BLOC1S5: variants seen among roughly 807,000 people sequenced by gnomAD.
The protein encoded by BLOC1S5 is biogenesis of lysosomal organelles complex 1 subunit 5, also known as biogenesis of lysosome-related organelles complex 1 subunit 5.
BLOC1S5 carries 27 observed loss-of-function variants against 24.3 expected under a neutral mutation model. The observed-to-expected ratio is 1.11, with a 90% CI of 0.82 to 1.53. BLOC1S5 has a LOEUF of 1.53. BLOC1S5 is among the 40% of genes most tolerant of loss of function. BLOC1S5 has a pLI of 0.00. For synonymous variants in BLOC1S5, 84 were observed against 74.5 expected (o/e 1.13, Z -0.66); for missense variants, 239 against 229.4 (o/e 1.04, Z -0.27).
At chr6:8,017,527 G>C (rs1362288312) in intron 4 of BLOC1S5, among the ~76,000 whole-genome samples, 2 of 152,186 alleles carry the variant, frequency 1.3e-5, no homozygotes, top group Non-Finnish European at 2.9e-5. Flanking sequence ...CAGAAAAACA[G>C]CTACTAGGAA....
chr6:8,034,064 A>C (rs190464270), intron 3 of BLOC1S5, among the ~76,000 whole-genome samples: 198 of 152,364 alleles, frequency 1.3e-3, no homozygotes, highest in African/African-American at 4.6e-3. Flanking sequence ...TGTGGAAGAC[A>C]GTGTGGTGAT....
intron 4 of BLOC1S5, among the ~76,000 whole-genome samples, chr6:8,022,568 A>ATTTTTT (rs35289860): frequency 1.2e-4 from 15 of 123,996 alleles, no homozygotes; most frequent in South Asian, 5.3e-4. Flanking sequence ...TTCAAACTCT[A>ATTTTTT]TTTTTTTTTT....
At chr6:8,058,282 G>T (rs973719258) in intron 2 of BLOC1S5, among the ~76,000 whole-genome samples, 1 of 144,890 alleles carries the variant, frequency 6.9e-6, no homozygotes, top group Non-Finnish European at 1.5e-5. Flanking sequence ...TACTTTTGGA[G>T]ACTGGGGTAG....
intron 2 of BLOC1S5, among the ~76,000 whole-genome samples, chr6:8,047,180 A>T (rs1373542025): frequency 0.033 from 4,834 of 145,910 alleles, 285 homozygotes; most frequent in African/African-American, 0.12. Flanking sequence ...ACACACACAC[A>T]CACACACACA....
Position 8,041,149 on chromosome 6 carries a change from A to T in BLOC1S5, c.315T>A (p.Val105=). ...RDTMRDSLSQ[V]LQRLQAANDS... is the part of the protein sequence containing the mutation. ...GAATTGCTGACTCACATCTCTGGAG[A>T]ACCTGGCTGAGGCTGTCCCGCATTG... The change falls in exon 3 of 5, where the codon GTT becomes GTA. Residue 105 remains valine, a synonymous_variant. Transcript: ENST00000397457. 1.3e-6 allele frequency: 2 copies of T among 1,592,140 alleles called. No individual in the cohort carries two copies. Among genetic ancestry groups the T allele is most frequent in the Non-Finnish European group, 1.7e-6 (2 of 1,170,772 alleles).
At chr6:8,033,422 C>T (rs1018490718) in intron 3 of BLOC1S5, among the ~76,000 whole-genome samples, 5 of 152,144 alleles carry the variant, frequency 3.3e-5, no homozygotes, top group African/African-American at 7.2e-5. Flanking sequence ...ACTGGCTAGC[C>T]ATATGTAGGA....
At chr6:8,041,615 T>C (rs1561864206) in intron 2 of BLOC1S5, among the ~76,000 whole-genome samples, 1 of 120,614 alleles carries the variant, frequency 8.3e-6, no homozygotes, top group Non-Finnish European at 1.7e-5. Flanking sequence ...CCCGGCCATA[T>C]TGTGTCTTAA....
chr6:8,027,822 CA>C (rs34329491), intron 3 of BLOC1S5, among the ~76,000 whole-genome samples: 3,326 of 125,292 alleles, frequency 0.027, 77 homozygotes, highest in African/African-American at 0.078. Context: ...GACTCCATCT[CA>C]AAAAAAAAAA....
At chr6:8,062,640 G>A in intron 1 of BLOC1S5, 24 bp from the exon 2 acceptor site, 1 of 1,491,400 alleles carries the variant, frequency 6.7e-7, no homozygotes, top group Admixed American at 1.9e-5. Flanking sequence ...ATGAAATTCA[G>A]GGTTAATCCA....
intron 2 of BLOC1S5, among the ~76,000 whole-genome samples, chr6:8,051,161 C>G (rs923937096): frequency 1.4e-5 from 2 of 146,268 alleles, no homozygotes; most frequent in Non-Finnish European, 3.0e-5. Context: ...GAACTCCAGC[C>G]TGGTGACAGT....
chr6:8,050,345 T>A (rs1017906891), intron 2 of BLOC1S5, among the ~76,000 whole-genome samples: 1 of 152,132 alleles, frequency 6.6e-6, no homozygotes, highest in Non-Finnish European at 1.5e-5. Flanking sequence ...TTCTCATTGC[T>A]CACTGACTGG....
chr6:8,032,710 T>C (rs974815865), intron 3 of BLOC1S5, among the ~76,000 whole-genome samples: 3 of 152,152 alleles, frequency 2.0e-5, no homozygotes, highest in Admixed American at 6.6e-5. Context: ...GATGACATGA[T>C]TGTATATTTA....
chr6:8,063,996 G>A (rs1000149057), intron 1 of BLOC1S5, among the ~76,000 whole-genome samples: 1 of 152,232 alleles, frequency 6.6e-6, no homozygotes, highest in Non-Finnish European at 1.5e-5. Context: ...GCGCCCAGGG[G>A]TCCTGAGCTT....
Position 8,015,757 on chromosome 6 carries a change from T to C in BLOC1S5, c.456A>G (p.Gln152=). ...CATCCACTTCAGCCCTTTTGTTGGG[T>C]TGCTCCTTCATGAAGTTGTCCCACT... ...MLQWDNFMKE[Q]PNKRAEVDEE... is the part of the protein sequence containing the mutation. The change falls in exon 5 of 5, where the codon CAA becomes CAG. Residue 152 remains glutamine, a synonymous_variant. Transcript: ENST00000397457. 1.2e-6 allele frequency: 2 copies of C among 1,614,160 alleles called. No homozygotes were observed. Among genetic ancestry groups the C allele is most frequent in the Non-Finnish European group, 1.7e-6 (2 of 1,179,996 alleles).
chr6:8,036,950 T>C (rs1357038916), intron 3 of BLOC1S5, among the ~76,000 whole-genome samples: 2 of 152,178 alleles, frequency 1.3e-5, no homozygotes, highest in African/African-American at 4.8e-5. Flanking sequence ...CTTTCCTTTA[T>C]GATAAAAACT....
At chr6:8,047,344 G>A (rs1763941982) in intron 2 of BLOC1S5, among the ~76,000 whole-genome samples, 1 of 151,870 alleles carries the variant, frequency 6.6e-6, no homozygotes, top group South Asian at 2.1e-4. Flanking sequence ...AGTAGCTGGG[G>A]CTACAGGCGC....
chr6:8,060,668 G>A (rs1363438832), intron 2 of BLOC1S5, among the ~76,000 whole-genome samples: 1 of 152,158 alleles, frequency 6.6e-6, no homozygotes, highest in Non-Finnish European at 1.5e-5. Context: ...TGATAATGTG[G>A]TTGCTGAAGT....
intron 4 of BLOC1S5, among the ~76,000 whole-genome samples, chr6:8,022,615 C>T (rs1220146992): frequency 3.5e-5 from 4 of 115,052 alleles, no homozygotes; most frequent in African/African-American, 1.4e-4. Context: ...GACGGAGTCT[C>T]GCTCTGTCGC....
At chr6:8,029,228 G>C (rs1763208975) in intron 3 of BLOC1S5, among the ~76,000 whole-genome samples, 1 of 152,160 alleles carries the variant, frequency 6.6e-6, no homozygotes, top group South Asian at 2.1e-4. Flanking sequence ...CAGGTATACA[G>C]TGCCGGCAAT....
Sources: gnomAD v4.1 joint callset for allele counts (sites outside exome capture counted in the v4.1 genomes callset) on GRCh38, gnomAD v4.1.1 for gene constraint, MANE v1.5 for transcripts, NCBI Gene and HGNC (gene_info 2026-07-23, HGNC 2026-07-21) for gene names.